Variants in PDE3A observed in about 807,000 individuals in gnomAD.
The protein encoded by PDE3A is cGMP-inhibited 3',5'-cyclic phosphodiesterase 3A.
In PDE3A, 43 loss-of-function variants were observed where a neutral mutation model predicts 98.3. The ratio of observed to expected loss-of-function variants is 0.44; its 90% CI spans 0.34 to 0.56. PDE3A has a LOEUF of 0.56. Ranked by LOEUF, PDE3A falls within the 20% of genes least tolerant of loss-of-function variation. The pLI is 0.01. For synonymous variants in PDE3A, 663 were observed against 567.9 expected (o/e 1.17, Z -2.38); for missense variants, 1,427 against 1,440.7 (o/e 0.99, Z 0.15).
chr12:20,496,189 GAGAT>G (rs1945915495), intron 1 of PDE3A, among the ~76,000 whole-genome samples: 1 of 152,204 alleles, frequency 6.6e-6, no homozygotes, highest in Admixed American at 6.5e-5. Flanking sequence ...AAGGAGGAAA[GAGAT>G]AGATGAGTGC....
intron 1 of PDE3A, among the ~76,000 whole-genome samples, chr12:20,391,080 A>C (rs1943905701): frequency 6.6e-6 from 1 of 151,838 alleles, no homozygotes; most frequent in Non-Finnish European, 1.5e-5. Flanking sequence ...CACACTTAAA[A>C]AGTACATGGG....
At chr12:20,428,284 G>A (rs181394116) in intron 1 of PDE3A, among the ~76,000 whole-genome samples, 22 of 152,068 alleles carry the variant, frequency 1.4e-4, no homozygotes, top group Non-Finnish European at 2.6e-4. Flanking sequence ...ATTATTAGTA[G>A]TAGTAGTATT....
intron 1 of PDE3A, among the ~76,000 whole-genome samples, chr12:20,422,919 T>A (rs780171610): frequency 6.6e-6 from 1 of 152,224 alleles, no homozygotes; most frequent in Non-Finnish European, 1.5e-5. Flanking sequence ...TTTAAAATAC[T>A]GACATCTTTA....
At chr12:20,468,831 C>A (rs1438436966) in intron 1 of PDE3A, among the ~76,000 whole-genome samples, 1 of 152,202 alleles carries the variant, frequency 6.6e-6, no homozygotes, top group East Asian at 1.9e-4. Context: ...AGCCACTAAG[C>A]ATCCTCTCAA....
At chr12:20,624,020 G>A (rs1251837037) in intron 5 of PDE3A, among the ~76,000 whole-genome samples, 1 of 152,032 alleles carries the variant, frequency 6.6e-6, no homozygotes, top group Admixed American at 6.6e-5. Flanking sequence ...CGTAATTCAA[G>A]AGATGAAATA....
At chr12:20,429,805 T>C (rs148422465) in intron 1 of PDE3A, among the ~76,000 whole-genome samples, 72 of 152,338 alleles carry the variant, frequency 4.7e-4, no homozygotes, top group South Asian at 3.9e-3. Context: ...CAGTTTCTTA[T>C]TTTGTTTCAG....
chr12:20,372,337 T>C (rs1295612815), intron 1 of PDE3A, among the ~76,000 whole-genome samples: 1 of 152,196 alleles, frequency 6.6e-6, no homozygotes, highest in Non-Finnish European at 1.5e-5. Context: ...GGAAACTTTG[T>C]CTTATGCTTG....
chr12:20,466,685 G>T (rs1945344735), intron 1 of PDE3A, among the ~76,000 whole-genome samples: 1 of 152,158 alleles, frequency 6.6e-6, no homozygotes, highest in Non-Finnish European at 1.5e-5. Flanking sequence ...CTGTTCTAGA[G>T]AAATCTAATG....
chr12:20,569,859 C>A (rs2121307072), intron 2 of PDE3A, among the ~76,000 whole-genome samples: 1 of 152,268 alleles, frequency 6.6e-6, no homozygotes, highest in African/African-American at 2.4e-5. Context: ...TTTCTAACAG[C>A]AAGTGCCACT....
intron 1 of PDE3A, among the ~76,000 whole-genome samples, chr12:20,494,745 G>A (rs948429380): frequency 2.0e-5 from 3 of 151,948 alleles, no homozygotes; most frequent in African/African-American, 7.3e-5. Flanking sequence ...ATGTCGTTCT[G>A]CACTGAAATA....
intron 1 of PDE3A, among the ~76,000 whole-genome samples, chr12:20,378,350 A>G (rs1290506143): frequency 6.6e-6 from 1 of 151,776 alleles, no homozygotes; most frequent in Non-Finnish European, 1.5e-5. Flanking sequence ...TTCTACATCA[A>G]GAAATAAAGA....
At chr12:20,572,269 C>A in intron 2 of PDE3A, 1 of 327,416 alleles carries the variant, frequency 3.1e-6, no homozygotes. Context: ...TAAAGTAATC[C>A]AAATCAAGTT....
intron 1 of PDE3A, among the ~76,000 whole-genome samples, chr12:20,536,625 G>A (rs913249871): frequency 6.6e-6 from 1 of 151,970 alleles, no homozygotes; most frequent in African/African-American, 2.4e-5. Flanking sequence ...TCTTATAAAA[G>A]TAATCAAAAT....
intron 9 of PDE3A, among the ~76,000 whole-genome samples, chr12:20,637,608 T>C (rs1404749042): frequency 3.3e-5 from 5 of 152,252 alleles, no homozygotes; most frequent in Non-Finnish European, 7.4e-5. Context: ...GTAATTATTT[T>C]TGATGACTTT....
At chr12:20,627,651 C>T (rs1176564002) in intron 5 of PDE3A, among the ~76,000 whole-genome samples, 1 of 151,840 alleles carries the variant, frequency 6.6e-6, no homozygotes, top group Non-Finnish European at 1.5e-5. Context: ...CTACTCTGTG[C>T]ATTGTTTTCT....
chr12:20,665,963 T>A (rs978363510), intron 15 of PDE3A, among the ~76,000 whole-genome samples: 1 of 143,548 alleles, frequency 7.0e-6, no homozygotes, highest in Admixed American at 6.9e-5. Context: ...TCATTTCTTT[T>A]TTTTTTTTTT....
At chr12:20,394,258 A>C (rs1048454758) in intron 1 of PDE3A, among the ~76,000 whole-genome samples, 3 of 152,020 alleles carry the variant, frequency 2.0e-5, no homozygotes, top group African/African-American at 7.2e-5. Context: ...AGACTGTTTC[A>C]TGTTTCTCCA....
At chr12:20,536,977 A>G (rs1212047472) in intron 1 of PDE3A, among the ~76,000 whole-genome samples, 1 of 152,086 alleles carries the variant, frequency 6.6e-6, no homozygotes, top group Admixed American at 6.6e-5. Context: ...TGGTTTTCCA[A>G]AGTGAATGCA....
At chr12:20,548,868 C>G (rs912447524) in intron 1 of PDE3A, among the ~76,000 whole-genome samples, 2 of 152,114 alleles carry the variant, frequency 1.3e-5, no homozygotes, top group African/African-American at 4.8e-5. Context: ...TTTTGACTTT[C>G]TCTTTGAAAT....
Sources: allele counts gnomAD v4.1 joint callset (sites outside exome capture counted in the v4.1 genomes callset), GRCh38; gene constraint gnomAD v4.1.1; transcripts MANE v1.5; gene names NCBI Gene and HGNC (gene_info 2026-07-23, HGNC 2026-07-21).